Variants in GABBR2 observed in about 807,000 individuals in gnomAD.
The protein encoded by GABBR2 is gamma-aminobutyric acid type B receptor subunit 2, also known as G-protein coupled receptor 51.
A neutral mutation model predicts 105.6 loss-of-function variants in GABBR2; 23 were observed. That is an observed-to-expected ratio of 0.22 (90% confidence interval 0.16 to 0.31). The LOEUF is 0.31. Among genes scored for constraint, GABBR2 ranks in the 10% least tolerant of loss-of-function variants. GABBR2 has a pLI of 1.00. For missense variants in GABBR2, 734 were observed against 1,245.5 expected, an observed-to-expected ratio of 0.59 and a Z score of 6.18; for synonymous variants, 478 against 499.7, an observed-to-expected ratio of 0.96 and a Z score of 0.58.
chr9:98,404,517 G>A (rs1163662793), intron 8 of GABBR2, among the ~76,000 whole-genome samples: 1 of 152,156 alleles, frequency 6.6e-6, no homozygotes, highest in Non-Finnish European at 1.5e-5. Context: ...TCTGCTCAAA[G>A]TGAGTGGGCA....
intron 9 of GABBR2, among the ~76,000 whole-genome samples, chr9:98,389,797 C>T (rs1832146165): frequency 6.6e-6 from 1 of 152,166 alleles, no homozygotes; most frequent in African/African-American, 2.4e-5. Flanking sequence ...GGGACTCCCC[C>T]AGCTTCCTGC....
chr9:98,637,291 C>A (rs572346598), intron 1 of GABBR2, among the ~76,000 whole-genome samples: 1 of 152,158 alleles, frequency 6.6e-6, no homozygotes, highest in African/African-American at 2.4e-5. Context: ...ACTTTGGGAA[C>A]CTTTAACATC....
chr9:98,466,145 T>C (rs1209785876), intron 6 of GABBR2, among the ~76,000 whole-genome samples: 1 of 152,236 alleles, frequency 6.6e-6, no homozygotes, highest in Non-Finnish European at 1.5e-5. Flanking sequence ...CTGTACAGCC[T>C]GTGGAACTGT....
At chr9:98,528,734 G>GA (rs1331194623) in intron 3 of GABBR2, among the ~76,000 whole-genome samples, 1 of 152,156 alleles carries the variant, frequency 6.6e-6, no homozygotes, top group Admixed American at 6.5e-5. Context: ...CAATAGTAAT[G>GA]AAAAAAATGC....
intron 2 of GABBR2, among the ~76,000 whole-genome samples, chr9:98,560,148 A>C (rs1319834795): frequency 6.6e-6 from 1 of 152,178 alleles, no homozygotes; most frequent in African/African-American, 2.4e-5. Context: ...ACATTTGACT[A>C]TGGAATCATA....
intron 1 of GABBR2, among the ~76,000 whole-genome samples, chr9:98,698,748 T>G (rs1383995405): frequency 1.3e-5 from 2 of 152,246 alleles, no homozygotes; most frequent in African/African-American, 4.8e-5. Context: ...TCCACCCGCT[T>G]CGGCCTCCCA....
chr9:98,450,544 T>C (rs1447051804), intron 7 of GABBR2, among the ~76,000 whole-genome samples: 1 of 152,182 alleles, frequency 6.6e-6, no homozygotes, highest in Non-Finnish European at 1.5e-5. Flanking sequence ...GAGATGGTGT[T>C]GAGTGGGTGG....
intron 13 of GABBR2, among the ~76,000 whole-genome samples, chr9:98,331,675 T>C (rs748043880): frequency 6.6e-6 from 1 of 152,158 alleles, no homozygotes; most frequent in Non-Finnish European, 1.5e-5. Context: ...AGTGGCTCTA[T>C]GGTGCACCTG....
chr9:98,299,109 A>G (rs1329623755), intron 17 of GABBR2, 115 bp downstream of exon 17: 6 of 871,174 alleles, frequency 6.9e-6, no homozygotes, highest in African/African-American at 1.7e-5. Context: ...GTGTGACTTC[A>G]TACCAGTCCT....
At chr9:98,366,100 CT>C (rs1831671490) in intron 12 of GABBR2, among the ~76,000 whole-genome samples, 4 of 152,206 alleles carry the variant, frequency 2.6e-5, no homozygotes, top group Admixed American at 2.0e-4. Flanking sequence ...GTTGTGTGAT[CT>C]TGGGTAATTC....
At chr9:98,642,511 T>A (rs369411321) in intron 1 of GABBR2, among the ~76,000 whole-genome samples, 1 of 152,238 alleles carries the variant, frequency 6.6e-6, no homozygotes, top group African/African-American at 2.4e-5. Flanking sequence ...ATGTTTCAAC[T>A]TGACCATCAA....
At chr9:98,651,626 CT>C (rs1830107001) in intron 1 of GABBR2, among the ~76,000 whole-genome samples, 1 of 151,892 alleles carries the variant, frequency 6.6e-6, no homozygotes, top group Non-Finnish European at 1.5e-5. Flanking sequence ...AGAGATGGGT[CT>C]CGCTATGTTT....
intron 11 of GABBR2, among the ~76,000 whole-genome samples, chr9:98,378,663 G>A (rs1311000846): frequency 2.0e-5 from 3 of 152,172 alleles, no homozygotes; most frequent in Admixed American, 2.0e-4. Flanking sequence ...CAGACCCCCA[G>A]GTGGCTCAGT....
In GABBR2 at chr9:98,432,543, C is replaced by T. The variant is rs1221826087; in HGVS notation, c.1236+21438G>A. Among the ~76,000 whole-genome samples the T allele has an allele frequency of 5.3e-5, 8 of 152,216 alleles. No homozygotes were observed. In the East Asian group the frequency reaches 9.7e-4, roughly 18 times the overall value. On this transcript the variant is annotated intron_variant, in intron 7 of 18. Transcript: ENST00000259455. The stretch of plus-strand genomic sequence containing the variant: ...ACACAAACCAGGATCCTGGCATTTC[C>T]CACCTGCATGAATTTGACAAGCTAC...
chr9:98,325,667 T>C (rs73657138), intron 13 of GABBR2, among the ~76,000 whole-genome samples: 1,556 of 152,218 alleles, frequency 0.01, 31 homozygotes, highest in African/African-American at 0.035. Context: ...GGGATCTGAG[T>C]AGGGCAAGAC....
intron 13 of GABBR2, among the ~76,000 whole-genome samples, chr9:98,332,917 T>A (rs1222568258): frequency 6.6e-6 from 1 of 152,208 alleles, no homozygotes; most frequent in African/African-American, 2.4e-5. Flanking sequence ...CACATGTGGA[T>A]GTTCATAGTC....
In GABBR2 at chr9:98,605,308, G is replaced by A. The variant is rs1224596292; in HGVS notation, c.322-27236C>T. 3.3e-5 allele frequency among the ~76,000 whole-genome samples: 5 copies of A among 152,204 alleles called. No homozygotes were observed. The East Asian group carries it at 5.8e-4, about 18-fold the overall frequency. Reference sequence around the variant, plus strand: ...GGAGCACAGCTCTCAGCATGAACACGGGGATTTTCAGAAAGGGTGGAGCAA... The same window carrying A: ...GGAGCACAGCTCTCAGCATGAACACAGGGATTTTCAGAAAGGGTGGAGCAA... On this transcript the variant is annotated intron_variant, in intron 1 of 18. Coordinates refer to ENST00000259455, the MANE Select transcript of GABBR2 (RefSeq NM_005458.8).
At chr9:98,578,332 A>C (rs1393409377) in intron 1 of GABBR2, among the ~76,000 whole-genome samples, 2 of 152,104 alleles carry the variant, frequency 1.3e-5, no homozygotes, top group African/African-American at 4.8e-5. Context: ...ATCTCCCTTT[A>C]GAGCACACTT....
chr9:98,690,770 C>T (rs909570625), intron 1 of GABBR2, among the ~76,000 whole-genome samples: 2 of 152,218 alleles, frequency 1.3e-5, no homozygotes, highest in African/African-American at 2.4e-5. Context: ...CCCTGCCACA[C>T]TCTGAGAGAG....
Sources: gnomAD v4.1 joint callset for allele counts (sites outside exome capture counted in the v4.1 genomes callset) on GRCh38, gnomAD v4.1.1 for gene constraint, MANE v1.5 for transcripts, NCBI Gene and HGNC (gene_info 2026-07-23, HGNC 2026-07-21) for gene names.